Variants in GRM3 observed in about 807,000 individuals in gnomAD.
GRM3 encodes metabotropic glutamate receptor 3.
A neutral mutation model predicts 70.5 loss-of-function variants in GRM3; 26 were observed. The ratio of observed to expected loss-of-function variants is 0.37; its 90% CI spans 0.27 to 0.51. GRM3 has a LOEUF of 0.51. Among genes scored for constraint, GRM3 ranks in the 20% least tolerant of loss-of-function variants. GRM3 has a pLI of 0.93. For synonymous variants in GRM3, 443 were observed against 434.9 expected, an observed-to-expected ratio of 1.02 and a Z score of -0.23; for missense variants, 859 against 1,123.8, an observed-to-expected ratio of 0.76 and a Z score of 3.37.
At chr7:86,699,789 T>C (rs1794908260) in intron 1 of GRM3, among the ~76,000 whole-genome samples, 1 of 151,966 alleles carries the variant, frequency 6.6e-6, no homozygotes, top group Non-Finnish European at 1.5e-5. Flanking sequence ...GAAAAAGTTA[T>C]GCGTCACCAG....
At chr7:86,817,933 C>T (rs1005274827) in intron 3 of GRM3, among the ~76,000 whole-genome samples, 2 of 152,002 alleles carry the variant, frequency 1.3e-5, no homozygotes, top group Non-Finnish European at 2.9e-5. Context: ...GAATCTACTG[C>T]AGTAGATCAA....
chr7:86,657,998 G>A (rs1738338644), intron 1 of GRM3, among the ~76,000 whole-genome samples: 1 of 152,130 alleles, frequency 6.6e-6, no homozygotes, highest in African/African-American at 2.4e-5. Context: ...TTGGGTTACA[G>A]GAAAATGTAA....
intron 1 of GRM3, among the ~76,000 whole-genome samples, chr7:86,702,036 A>G (rs956912138): frequency 2.0e-5 from 3 of 152,036 alleles, no homozygotes; most frequent in African/African-American, 7.2e-5. Context: ...CTAGACCTAC[A>G]TCATCTTAAG....
chr7:86,770,605 C>T (rs1796715686), intron 2 of GRM3, among the ~76,000 whole-genome samples: 1 of 152,038 alleles, frequency 6.6e-6, no homozygotes, highest in South Asian at 2.1e-4. Context: ...CACTCAACTC[C>T]ACAGTGCTCA....
intron 1 of GRM3, among the ~76,000 whole-genome samples, chr7:86,751,557 A>G (rs891118665): frequency 2.6e-5 from 4 of 152,142 alleles, no homozygotes; most frequent in African/African-American, 9.7e-5. Flanking sequence ...TTCAGAAATC[A>G]AGCTGTGAAA....
At chr7:86,658,372 G>A (rs1469792265) in intron 1 of GRM3, among the ~76,000 whole-genome samples, 1 of 152,060 alleles carries the variant, frequency 6.6e-6, no homozygotes, top group African/African-American at 2.4e-5. Flanking sequence ...CCTTACACTT[G>A]TTGTTCCATC....
At chr7:86,704,822 G>T (rs1031176448) in intron 1 of GRM3, among the ~76,000 whole-genome samples, 3 of 151,834 alleles carry the variant, frequency 2.0e-5, no homozygotes, top group African/African-American at 7.3e-5. Flanking sequence ...GTTCTGTTCA[G>T]ACTGTATCAA....
intron 1 of GRM3, among the ~76,000 whole-genome samples, chr7:86,730,469 A>G (rs181799486): frequency 4.3e-4 from 65 of 152,356 alleles, no homozygotes; most frequent in African/African-American, 1.5e-3. Flanking sequence ...AAAGCTATTA[A>G]GAAGTGTAAA....
In GRM3 at chr7:86,686,443, A is replaced by G. The variant is rs1794569869; in HGVS notation, c.-141+41571A>G. 3.9e-5 allele frequency among the ~76,000 whole-genome samples: 6 copies of G among 152,368 alleles called. No homozygotes were observed. The South Asian group carries it at 1.2e-3, about 32-fold the overall frequency. The stretch of plus-strand genomic sequence containing the variant: ...GGGCAAAACTCCAAAAAAGGAAACA[A>G]TATAAATCACCAGGGGGTTGCAAAG... On this transcript the variant is annotated intron_variant, in intron 1 of 5. Transcript: ENST00000361669.
chr7:86,761,107 G>A (rs1166536565), intron 1 of GRM3, among the ~76,000 whole-genome samples: 2 of 152,084 alleles, frequency 1.3e-5, no homozygotes, highest in Non-Finnish European at 2.9e-5. Context: ...AAATGTGTAA[G>A]CATTTAGAAT....
At chr7:86,807,835 GGAAT>G (rs1797827765) in intron 3 of GRM3, among the ~76,000 whole-genome samples, 1 of 152,146 alleles carries the variant, frequency 6.6e-6, no homozygotes, top group Admixed American at 6.5e-5. Flanking sequence ...GTTTTCAAAA[GGAAT>G]GCTTCCAGTT....
At chr7:86,691,757 T>C (rs1013270280) in intron 1 of GRM3, among the ~76,000 whole-genome samples, 1 of 152,198 alleles carries the variant, frequency 6.6e-6, no homozygotes, top group Non-Finnish European at 1.5e-5. Flanking sequence ...GCCCTCTCTT[T>C]GCCCTTCTGC....
At chr7:86,760,540 T>G (rs548817244) in intron 1 of GRM3, among the ~76,000 whole-genome samples, 1 of 152,184 alleles carries the variant, frequency 6.6e-6, no homozygotes, top group East Asian at 1.9e-4. Context: ...TGATTTATAA[T>G]GAAAAGAACC....
intron 3 of GRM3, among the ~76,000 whole-genome samples, chr7:86,816,429 A>T (rs1026028070): frequency 1.3e-5 from 2 of 151,710 alleles, no homozygotes. Context: ...TAGTTTTTTG[A>T]TCCTCTTCCT....
intron 1 of GRM3, among the ~76,000 whole-genome samples, chr7:86,714,547 A>G (rs931958498): frequency 1.3e-5 from 2 of 152,020 alleles, no homozygotes; most frequent in Admixed American, 1.3e-4. Flanking sequence ...CATAAAACCT[A>G]AGTCCAGAAT....
chr7:86,863,878 G>A (rs1799007506), intron 5 of GRM3, among the ~76,000 whole-genome samples: 1 of 152,118 alleles, frequency 6.6e-6, no homozygotes, highest in South Asian at 2.1e-4. Flanking sequence ...CCGCCAAGAG[G>A]TATAACGTTA....
intron 2 of GRM3, among the ~76,000 whole-genome samples, chr7:86,769,077 A>G (rs1180067279): frequency 1.3e-5 from 2 of 152,128 alleles, no homozygotes; most frequent in Non-Finnish European, 2.9e-5. Flanking sequence ...TACACTAACG[A>G]GGGAAACATT....
chr7:86,839,560 C>T lies in GRM3; in HGVS notation c.2046C>T (p.Phe682=). The T allele has an allele frequency of 1.2e-6, 2 of 1,609,546 alleles. No homozygotes were observed. Among genetic ancestry groups the T allele is most frequent in the Middle Eastern group, 1.7e-4 (1 of 6,020 alleles). ...AGAATGGCGCTCAGAGGCCAAAATT[C>T]ATCAGCCCCAGTTCTCAGGTTTTCA... is the stretch of plus-strand genomic sequence containing the variant. ...GVKNGAQRPK[F]ISPSSQVFIC... Residue 682 remains phenylalanine (F), a synonymous_variant, in exon 4 of 6, where the codon TTC becomes TTT. Transcript: ENST00000361669. The surrounding 1 kb of genome is among the most constrained non-coding windows in gnomAD (Gnocchi z 4.5).
intron 1 of GRM3, among the ~76,000 whole-genome samples, chr7:86,756,771 G>C (rs1029435201): frequency 6.6e-6 from 1 of 151,858 alleles, no homozygotes; most frequent in Non-Finnish European, 1.5e-5. Flanking sequence ...GAATTTTTTG[G>C]CCATTACTTC....
Sources: allele counts gnomAD v4.1 joint callset (sites outside exome capture counted in the v4.1 genomes callset), GRCh38; gene constraint gnomAD v4.1.1; non-coding constraint Gnocchi (gnomAD v3.1); transcripts MANE v1.5; gene names NCBI Gene and HGNC (gene_info 2026-07-23, HGNC 2026-07-21).